The following KRT74 variants were observed in gnomAD, a reference collection of about 807,000 sequenced individuals.
KRT74 encodes the protein keratin, type II cytoskeletal 74.
Under a neutral mutation model 42.7 loss-of-function variants are expected in KRT74, and 43 were observed. That is an observed-to-expected ratio of 1.01 (90% CI 0.79 to 1.30). KRT74 has a LOEUF of 1.30. Among genes scored for constraint, KRT74 ranks in the 50% most tolerant of loss-of-function variants. The pLI is 0.00. For synonymous variants in KRT74, 302 were observed against 279.0 expected (o/e 1.08, Z -0.82); for missense variants, 736 against 689.1 (o/e 1.07, Z -0.76).
chr12:52,567,258 A>G (rs1939397462), intron 8 of KRT74, 90 bp from the exon 9 acceptor site: 1 of 1,088,850 alleles, frequency 9.2e-7, no homozygotes, highest in African/African-American at 1.6e-5. Flanking sequence ...GGGCTTCTCC[A>G]CAACAACACC....
At chr12:52,571,871 G>A (rs932806657) in intron 3 of KRT74, 73 bp downstream of exon 3, 6 of 1,065,024 alleles carry the variant, frequency 5.6e-6, no homozygotes, top group South Asian at 5.0e-5. Flanking sequence ...AGCCTCCTGG[G>A]CTGAAGTCCT....
In KRT74 at chr12:52,572,025, T is replaced by C. The variant is rs779787833; in HGVS notation, c.687-21A>G. ...CATATCTGCCAGCAGGGAGAGTAGA[T>C]GGCCTTAGCCCCCTTAGCCAAGGAA... is the stretch of plus-strand genomic sequence containing the variant. On this transcript the variant is annotated intron_variant, in intron 2 of 8. Coordinates refer to ENST00000305620, the MANE Select transcript of KRT74 (RefSeq NM_175053.4). 6 of 1,553,450 alleles carry C rather than the reference T, an allele frequency of 3.9e-6. No homozygotes were observed. In the South Asian group the frequency reaches 4.5e-5, roughly 12 times the overall value.
At chr12:52,570,884 T>C in intron 4 of KRT74, 51 bp from the exon 5 acceptor site, 4 of 1,607,694 alleles carry the variant, frequency 2.5e-6, no homozygotes, top group Non-Finnish European at 3.4e-6. Flanking sequence ...TTCCCTCTTC[T>C]GCCCCATCAG....
chr12:52,571,307 G>A (rs1939476372), intron 4 of KRT74, 52 bp downstream of exon 4: 1 of 1,101,752 alleles, frequency 9.1e-7, no homozygotes, highest in Non-Finnish European at 1.4e-6. Flanking sequence ...TATCTCCCTG[G>A]AAGAGTCGGG....
At chr12:52,570,404 C>G (rs1195310732) in intron 5 of KRT74, among the ~76,000 whole-genome samples, 1 of 152,210 alleles carries the variant, frequency 6.6e-6, no homozygotes, top group Non-Finnish European at 1.5e-5. Context: ...TCACTTCTTT[C>G]ACCTGCAACA....
chr12:52,573,763 C>A lies in KRT74; in HGVS notation c.15G>T (p.Leu5=). MSRQ[L]NIKSSGDKGN... ...CCTTGTCACCACTGGACTTGATGTTCAGTTGCCGACTCATGGTGGGAAAGG... is the reference window on the plus strand; with the variant it reads ...CCTTGTCACCACTGGACTTGATGTTAAGTTGCCGACTCATGGTGGGAAAGG... Residue 5 remains leucine, a synonymous_variant, in exon 1 of 9, where the codon CTG becomes CTT. Coordinates refer to ENST00000305620, the MANE Select transcript of KRT74 (RefSeq NM_175053.4). 1 of 1,613,634 alleles carries A rather than the reference C, an allele frequency of 6.2e-7. No individual in the cohort carries two copies. Among genetic ancestry groups the A allele is most frequent in the Non-Finnish European group, 8.5e-7 (1 of 1,179,842 alleles).
At chr12:52,567,274 T>G in intron 8 of KRT74, 106 bp from the exon 9 acceptor site, 1 of 951,858 alleles carries the variant, frequency 1.1e-6, no homozygotes, top group Non-Finnish European at 1.5e-6. Context: ...ACACCTCATT[T>G]AATCCGCAGA....
At chr12:52,567,195 G>A in intron 8 of KRT74, 27 bp from the exon 9 acceptor site, 2 of 1,537,422 alleles carry the variant, frequency 1.3e-6, no homozygotes, top group Non-Finnish European at 8.8e-7. Flanking sequence ...AAGAGCAGGG[G>A]AGAGGAGCAG....
chr12:52,570,768 C>T lies in KRT74; in HGVS notation c.909G>A (p.Arg303=), dbSNP rs751351404. The T allele has an allele frequency of 1.9e-6, 3 of 1,614,228 alleles. No homozygotes were observed. The highest frequency in any genetic ancestry group is 1.1e-5 in the South Asian group (1 of 91,082). ...TSVILSMDNN[R]DLDLDSIIAE... is the part of the protein sequence containing the mutation. ...CGATGATGCTGTCAAGGTCCAGGTC[C>T]CGGTTGTTGTCCATGGACAGGATGA... The change falls in exon 5 of 9, where the codon CGG becomes CGA. Residue 303 remains arginine, a synonymous_variant. Transcript: ENST00000305620.
chr12:52,573,783 G>A lies in KRT74; in HGVS notation c.-6C>T. ...ATGTTCAGTTGCCGACTCATGGTGGGAAAGGTTGAGTTGACAGAGCTGGAG... is the reference window on the plus strand; with the variant it reads ...ATGTTCAGTTGCCGACTCATGGTGGAAAAGGTTGAGTTGACAGAGCTGGAG... On this transcript the variant is annotated 5_prime_UTR_variant, in exon 1 of 9. Coordinates refer to ENST00000305620, the MANE Select transcript of KRT74 (RefSeq NM_175053.4). 1 of 1,609,966 alleles carries A rather than the reference G, an allele frequency of 6.2e-7. No homozygotes were observed. Among genetic ancestry groups the A allele is most frequent in the East Asian group, 2.2e-5 (1 of 44,866 alleles).
chr12:52,571,901 G>A (rs1039247460), intron 3 of KRT74, 43 bp downstream of exon 3: 1 of 1,274,100 alleles, frequency 7.8e-7, no homozygotes, highest in South Asian at 1.2e-5. Context: ...TGTTAAGATG[G>A]GGGTGCGAGA....
In KRT74 at chr12:52,567,790, C is replaced by A; in HGVS notation, c.1356-97G>T. Reference sequence around the variant, plus strand: ...CTTTTATACGTGCATCATTTAAACTCATCCTTATAACAACTTACGAAACTG... The same window carrying A: ...CTTTTATACGTGCATCATTTAAACTAATCCTTATAACAACTTACGAAACTG... On this transcript the variant is annotated intron_variant, in intron 7 of 8. Transcript: ENST00000305620. 3.3e-6 allele frequency: 3 copies of A among 903,420 alleles called. 1 individual carries two copies. The South Asian group carries it at 4.1e-5, about 12-fold the overall frequency. The allele number at this position is 903,420 out of a possible 1,614,324, so 56.0% of individuals were successfully genotyped here. A position where few individuals can be genotyped will look rare whatever the true frequency, so the allele number is the denominator to read the frequency against.
rs754863514 is a variant in KRT74 at position 52,566,297 on chromosome 12, G to C, written c.*672C>G. ...AATGGATGAGAACAGGAGGCAATAT[G>C]TGTAGGGTGTCTGGCATCTAGTAGG... On this transcript the variant is annotated 3_prime_UTR_variant, in exon 9 of 9. Coordinates refer to ENST00000305620, the MANE Select transcript of KRT74 (RefSeq NM_175053.4). 1 of 152,100 alleles carries C rather than the reference G, an allele frequency of 6.6e-6. No individual in the cohort carries two copies. Among genetic ancestry groups the C allele is most frequent in the Non-Finnish European group, 1.5e-5 (1 of 68,044 alleles). 9.4% of individuals were successfully genotyped at this position (152,100 alleles called of 1,614,324 possible).
chr12:52,572,037 C>A, intron 2 of KRT74, 33 bp from the exon 3 acceptor site: 2 of 1,505,192 alleles, frequency 1.3e-6, no homozygotes, highest in Non-Finnish European at 1.8e-6. Context: ...GCCTTAGCCC[C>A]CTTAGCCAAG....
In KRT74 at chr12:52,567,653, A is replaced by G; in HGVS notation, c.1390+6T>C. The G allele has an allele frequency of 6.2e-7, 1 of 1,607,646 alleles. No individual in the cohort carries two copies. Among genetic ancestry groups the G allele is most frequent in the Non-Finnish European group, 8.5e-7 (1 of 1,174,264 alleles). On this transcript the variant is annotated splice_donor_region_variant and intron_variant, in intron 8 of 8. Coordinates refer to ENST00000305620, the MANE Select transcript of KRT74 (RefSeq NM_175053.4). ...CCAACCCAAGGCATCTCTCAAGAAT[A>G]CTCACAGATGCTCACAGAGGATGGA...
chr12:52,572,580 G>A lies in KRT74; in HGVS notation c.559C>T (p.Leu187=). 1.9e-6 allele frequency: 3 copies of A among 1,614,170 alleles called. No individual in the cohort carries two copies. Among genetic ancestry groups the A allele is most frequent in the Non-Finnish European group, 2.5e-6 (3 of 1,180,028 alleles). The change falls in exon 2 of 9, where the codon CTG becomes TTG. Residue 187 remains leucine, a synonymous_variant. Transcript: ENST00000305620. ...ATGTAGCCCTCAAGGATGGGCTCCA[G>A]GTTCTTCTTGCAGTTGTTCAGGTCC... ...QLDLNNCKKN[L]EPILEGYISN... is the part of the protein sequence containing the mutation.
At chr12:52,572,369 T>C in intron 2 of KRT74, 84 bp downstream of exon 2, 1 of 1,424,372 alleles carries the variant, frequency 7.0e-7, no homozygotes, top group Non-Finnish European at 9.9e-7. Context: ...CTCCCCCATC[T>C]CCTAAAAAAT....
chr12:52,567,641 T>G lies in KRT74; in HGVS notation c.1390+18A>C. 1 of 1,600,264 alleles carries G rather than the reference T, an allele frequency of 6.2e-7. No homozygotes were observed. The highest frequency in any genetic ancestry group is 8.6e-7 in the Non-Finnish European group (1 of 1,167,532). On this transcript the variant is annotated intron_variant, in intron 8 of 8. Transcript: ENST00000305620. ...TCCCTGGCTTTCCCAACCCAAGGCA[T>G]CTCTCAAGAATACTCACAGATGCTC...
At position 52,571,985 on chromosome 12, in the gene KRT74, G is replaced by A. The variant is rs549320828; in HGVS notation, c.706C>T (p.Arg236Trp). Residue 236 changes from arginine to tryptophan, a missense_variant, in exon 3 of 9, where the codon CGG becomes TGG. By Grantham distance (101) the Arg-to-Trp change is moderately radical. Coordinates refer to ENST00000305620, the MANE Select transcript of KRT74 (RefSeq NM_175053.4). ...AACTCATTCTCTGCTGTCGTGCGCC[G>A]GTTAATCTCCACTTCATATCTGCCA... Reference protein sequence around the residue: ...YKKRYEVEINRRTTAENEFVV... With the variant: ...YKKRYEVEINWRTTAENEFVV... 8.0e-5 allele frequency: 128 copies of A among 1,598,484 alleles called. 3 individuals are homozygous for A. The South Asian group carries it at 1.2e-3, about 15-fold the overall frequency.
Sources: allele counts gnomAD v4.1 joint callset (sites outside exome capture counted in the v4.1 genomes callset), GRCh38; gene constraint gnomAD v4.1.1; transcripts MANE v1.5; gene names NCBI Gene and HGNC (gene_info 2026-07-23, HGNC 2026-07-21).